RAPGEF2: variants seen among roughly 807,000 people sequenced by gnomAD.
RAPGEF2 encodes PDZ domain containing guanine nucleotide exchange factor (GEF) 1.
Under a neutral mutation model 186.7 loss-of-function variants are expected in RAPGEF2, and 54 were observed. That is an observed-to-expected ratio of 0.29 (90% CI 0.23 to 0.36). The LOEUF is 0.36. Among genes scored for constraint, RAPGEF2 ranks in the 10% least tolerant of loss-of-function variants. The pLI, the probability that RAPGEF2 is intolerant of heterozygous loss-of-function variation, is 1.00. For missense variants in RAPGEF2, 1,532 were observed against 2,045.0 expected (o/e 0.75, Z 4.84); for synonymous variants, 712 against 705.9 (o/e 1.01, Z -0.14).
chr4:159,183,406 C>T (rs1747223391), intron 1 of RAPGEF2, among the ~76,000 whole-genome samples: 1 of 152,116 alleles, frequency 6.6e-6, no homozygotes, highest in African/African-American at 2.4e-5. Flanking sequence ...ACACTGTATA[C>T]AAAAATTAAA....
At chr4:159,249,283 CTCT>C (rs1188789036) in intron 7 of RAPGEF2, among the ~76,000 whole-genome samples, 17 of 127,774 alleles carry the variant, frequency 1.3e-4, no homozygotes, top group Admixed American at 6.5e-4. Flanking sequence ...TAAAAAAAGT[CTCT>C]TTTTTTTTTT....
chr4:159,335,651 C>T (rs1244450333), intron 17 of RAPGEF2, among the ~76,000 whole-genome samples: 1 of 151,720 alleles, frequency 6.6e-6, no homozygotes, highest in Non-Finnish European at 1.5e-5. Context: ...ATCGAGACCA[C>T]GGTGAAACCC....
intron 2 of RAPGEF2, among the ~76,000 whole-genome samples, chr4:159,187,109 A>G (rs905809507): frequency 1.3e-5 from 2 of 152,212 alleles, no homozygotes; most frequent in Non-Finnish European, 2.9e-5. Flanking sequence ...TTATTCATGA[A>G]AAGTCTGCTT....
chr4:159,315,989 G>A (rs982226234), intron 9 of RAPGEF2, among the ~76,000 whole-genome samples: 1 of 152,070 alleles, frequency 6.6e-6, no homozygotes, highest in East Asian at 1.9e-4. Context: ...CTCCCCCTGG[G>A]GAAGGGAGAC....
At chr4:159,351,223 A>G (rs1731128668) in intron 26 of RAPGEF2, 3 of 1,512,250 alleles carry the variant, frequency 2.0e-6, no homozygotes, top group Non-Finnish European at 2.7e-6. Flanking sequence ...AAAGAGAGGA[A>G]TCATCTCATT....
At position 159,281,078 on chromosome 4, in the gene RAPGEF2, G is replaced by A. The variant is rs555348561; in HGVS notation, c.544-23264G>A. Among the ~76,000 whole-genome samples, 48 of 150,160 alleles carry A rather than the reference G, an allele frequency of 3.2e-4. 1 individual carries two copies. Among genetic ancestry groups the A allele is most frequent in the Middle Eastern group, 3.5e-3 (1 of 286 alleles). ...TCAGCTCACTGCAACCTCTACTTCC[G>A]CCTCCCGGGTTCAAGCGATTCTCCT... On this transcript the variant is annotated intron_variant, in intron 7 of 29. Coordinates refer to ENST00000691494, the MANE Select transcript of RAPGEF2 (RefSeq NM_001394067.2).
chr4:159,243,396 G>C (rs1349030471), intron 6 of RAPGEF2, among the ~76,000 whole-genome samples: 2 of 151,730 alleles, frequency 1.3e-5, no homozygotes, highest in Non-Finnish European at 2.9e-5. Flanking sequence ...GCAAAATTTT[G>C]TTTTGTGTGT....
rs747505407 is a variant in RAPGEF2 at position 159,157,654 on chromosome 4, C to A, written c.70-28988C>A. The stretch of plus-strand genomic sequence containing the variant: ...ATCTTCGTATCTGTCTAAAGGAATT[C>A]TTCACCAAGTCCGTTCTTCAGGGGG... On this transcript the variant is annotated intron_variant, in intron 1 of 29. Transcript: ENST00000691494. Among the ~76,000 whole-genome samples the A allele has an allele frequency of 5.5e-4, 84 of 152,152 alleles. 1 individual carries two copies. The highest frequency in any genetic ancestry group is 1.3e-4 in the Admixed American group (2 of 15,266).
chr4:159,104,519 A>AGAGAGAGAGAGG (rs1737602919), intron 1 of RAPGEF2, among the ~76,000 whole-genome samples: 1 of 118,746 alleles, frequency 8.4e-6, no homozygotes, highest in Non-Finnish European at 1.8e-5. Flanking sequence ...AGAGAGAGAG[A>AGAGAGAGAGAGG]GAGAGAGGGA....
chr4:159,345,385 T>G, intron 24 of RAPGEF2, 56 bp downstream of exon 24: 1 of 1,529,932 alleles, frequency 6.5e-7, no homozygotes, highest in Non-Finnish European at 9.0e-7. Context: ...ATTTGTTTCC[T>G]GTGCAGTGGT....
chr4:159,162,221 C>CAAA (rs35274144), intron 1 of RAPGEF2, among the ~76,000 whole-genome samples: 1,039 of 98,180 alleles, frequency 0.011, 23 homozygotes, highest in African/African-American at 0.034. Context: ...TGTGTTTCTT[C>CAAA]AAAAAAAAAA....
intron 1 of RAPGEF2, among the ~76,000 whole-genome samples, chr4:159,136,090 C>A (rs2111147878): frequency 6.6e-6 from 1 of 152,282 alleles, no homozygotes; most frequent in South Asian, 2.1e-4. Flanking sequence ...GCCAGATTTT[C>A]CACTAATGTT....
intron 1 of RAPGEF2, among the ~76,000 whole-genome samples, chr4:159,169,564 G>A (rs923396172): frequency 1.2e-4 from 19 of 152,010 alleles, no homozygotes; most frequent in Admixed American, 3.9e-4. Flanking sequence ...TGTGTCATTT[G>A]ATCAACATCT....
chr4:159,235,400 T>A (rs180688224), intron 4 of RAPGEF2, among the ~76,000 whole-genome samples: 1 of 152,368 alleles, frequency 6.6e-6, no homozygotes, highest in Admixed American at 6.5e-5. Flanking sequence ...AAATGCTCTG[T>A]GCATTTGATC....
At position 159,304,429 on chromosome 4, in the gene RAPGEF2, A is replaced by G. The variant is rs1346544810; in HGVS notation, c.631A>G (p.Ile211Val). 1 of 1,603,404 alleles carries G rather than the reference A, an allele frequency of 6.2e-7. No individual in the cohort carries two copies. Among genetic ancestry groups the G allele is most frequent in the Admixed American group, 1.7e-5 (1 of 59,946 alleles). The change falls in exon 8 of 30, where the codon ATC becomes GTC. Residue 211 changes from isoleucine (I) to valine (V), a missense_variant. This residue lies in a region of RAPGEF2 where 810 missense variants were observed against 1,210.5 expected (regional missense o/e 0.67). Coordinates refer to ENST00000691494, the MANE Select transcript of RAPGEF2 (RefSeq NM_001394067.2). ...HVSSSHSGCS[I>V]TSDSGSSSLS... is the part of the protein sequence containing the mutation. ...TTCTTCTAGCCATTCAGGATGTAGT[A>G]TCACTAGTGATTCTGGGAGCAGCAG...
chr4:159,228,609 G>A (rs1364287441), intron 4 of RAPGEF2, among the ~76,000 whole-genome samples: 1 of 152,150 alleles, frequency 6.6e-6, no homozygotes, highest in Non-Finnish European at 1.5e-5. Context: ...ATGTTTGTAA[G>A]TGAGCCTTGA....
intron 20 of RAPGEF2, among the ~76,000 whole-genome samples, chr4:159,342,309 T>G (rs1729581797): frequency 6.6e-6 from 1 of 151,966 alleles, no homozygotes; most frequent in Non-Finnish European, 1.5e-5. Context: ...CAAAGAGTTA[T>G]CAACAAGATT....
intron 1 of RAPGEF2, among the ~76,000 whole-genome samples, chr4:159,180,158 T>G (rs1746859900): frequency 1.3e-5 from 2 of 152,236 alleles, no homozygotes; most frequent in African/African-American, 4.8e-5. Flanking sequence ...TTTTCCTTTT[T>G]GTTGTTTATG....
At position 159,281,040 on chromosome 4, in the gene RAPGEF2, C is replaced by T. The variant is rs1030082847; in HGVS notation, c.544-23302C>T. ...CTCGGTCTGTCTCCAGGCTAGAGTGCGGTGGCTCCATCTCAGCTCACTGCA... is the reference window on the plus strand; with the variant it reads ...CTCGGTCTGTCTCCAGGCTAGAGTGTGGTGGCTCCATCTCAGCTCACTGCA... On this transcript the variant is annotated intron_variant, in intron 7 of 29. Coordinates refer to ENST00000691494, the MANE Select transcript of RAPGEF2 (RefSeq NM_001394067.2). Among the ~76,000 whole-genome samples the T allele has an allele frequency of 4.0e-5, 6 of 149,236 alleles. No individual in the cohort carries two copies. The South Asian group carries it at 6.3e-4, about 16-fold the overall frequency.
Sources: gnomAD v4.1 joint callset for allele counts (sites outside exome capture counted in the v4.1 genomes callset) on GRCh38, gnomAD v4.1.1 for gene constraint, gnomAD v4.1.1 regional missense constraint, MANE v1.5 for transcripts, NCBI Gene and HGNC (gene_info 2026-07-23, HGNC 2026-07-21) for gene names.